The following VPS37A variants were observed in gnomAD, a reference collection of about 807,000 sequenced individuals.
VPS37A encodes the protein vacuolar protein sorting-associated protein 37A.
Under a neutral mutation model 49.8 loss-of-function variants are expected in VPS37A, and 30 were observed. The observed-to-expected ratio is 0.60, with a 90% CI of 0.45 to 0.82. The LOEUF is 0.82. Among genes scored for constraint, VPS37A ranks in the 40% least tolerant of loss-of-function variants. VPS37A has a pLI of 0.00. For synonymous variants in VPS37A, 195 were observed against 160.6 expected (o/e 1.21, Z -1.62); for missense variants, 593 against 464.4 (o/e 1.28, Z -2.55).
chr8:17,276,131 A>G (rs965443865), intron 5 of VPS37A, among the ~76,000 whole-genome samples: 1 of 152,094 alleles, frequency 6.6e-6, no homozygotes, highest in African/African-American at 2.4e-5. Flanking sequence ...ATGTACTTAG[A>G]CAAGAAAGAG....
chr8:17,272,155 A>G lies in VPS37A; in HGVS notation c.417-2578A>G, dbSNP rs993724068. ...TCTCCTTCCGGTGACCATCTGCTCA[A>G]AGGCCCACCAGGCTCCTCCTAACAG... is the stretch of plus-strand genomic sequence containing the variant. On this transcript the variant is annotated intron_variant, in intron 4 of 11. Coordinates refer to ENST00000324849, the MANE Select transcript of VPS37A (RefSeq NM_152415.3). The G allele has an allele frequency of 2.0e-5, 9 of 449,782 alleles. No individual in the cohort carries two copies. In the East Asian group the frequency reaches 2.1e-4, roughly 10 times the overall value. 27.9% of individuals were successfully genotyped at this position (449,782 alleles called of 1,614,324 possible).
chr8:17,323,524 A>G, the VPS37A span, among the ~76,000 whole-genome samples: 1 of 152,120 alleles, frequency 6.6e-6, no homozygotes, highest in Non-Finnish European at 1.5e-5. Context: ...GAGAGGCTGG[A>G]AAGTCCGGCG....
intron 1 of VPS37A, among the ~76,000 whole-genome samples, chr8:17,263,426 A>G (rs1341445715): frequency 1.3e-5 from 2 of 152,216 alleles, no homozygotes; most frequent in Admixed American, 6.5e-5. Flanking sequence ...CTAGATTGCC[A>G]TGATTAACTT....
chr8:17,305,753 T>A, downstream of VPS37A: 2 of 1,602,864 alleles, frequency 1.2e-6, no homozygotes, highest in Non-Finnish European at 1.7e-6. Context: ...ACCAAAACAC[T>A]TACTTGAGTT....
chr8:17,273,022 C>CTTTTTTTTTT (rs1563263775), intron 4 of VPS37A, among the ~76,000 whole-genome samples: 1 of 80,146 alleles, frequency 1.2e-5, no homozygotes. Context: ...TTTTGCCCTT[C>CTTTTTTTTTT]CTTTTTTTTT....
chr8:17,315,471 G>A, the VPS37A span, among the ~76,000 whole-genome samples: 1 of 152,148 alleles, frequency 6.6e-6, no homozygotes, highest in Admixed American at 6.5e-5. Context: ...TGGACTTTGA[G>A]TGATACCGAT....
intron 4 of VPS37A, among the ~76,000 whole-genome samples, chr8:17,269,321 A>G (rs941222048): frequency 2.0e-5 from 3 of 152,090 alleles, no homozygotes; most frequent in African/African-American, 7.2e-5. Context: ...TGGTGTATTT[A>G]TTACTGTGAC....
chr8:17,285,058 A>ATTTT (rs34202191), intron 10 of VPS37A, among the ~76,000 whole-genome samples: 2 of 151,226 alleles, frequency 1.3e-5, no homozygotes, highest in African/African-American at 4.8e-5. Flanking sequence ...AAAAAAAAAA[A>ATTTT]TTTTTTTTTT....
chr8:17,248,075 A>G (rs1039588008), intron 1 of VPS37A: 5 of 398,262 alleles, frequency 1.3e-5, no homozygotes, highest in Non-Finnish European at 2.3e-5. Flanking sequence ...TTTACAATTC[A>G]TATTATTTCA....
chr8:17,267,516 A>G (rs1355830426), intron 2 of VPS37A, among the ~76,000 whole-genome samples: 1 of 152,016 alleles, frequency 6.6e-6, no homozygotes, highest in Non-Finnish European at 1.5e-5. Context: ...ACGTGAAACC[A>G]TGTGATTGAC....
chr8:17,323,347 A>G, the VPS37A span, among the ~76,000 whole-genome samples: 1 of 152,078 alleles, frequency 6.6e-6, no homozygotes, highest in Admixed American at 6.6e-5. Context: ...TCCACTTTCC[A>G]TATTATTTTC....
At chr8:17,311,815 G>T in the VPS37A span, 1 of 883,590 alleles carries the variant, frequency 1.1e-6, no homozygotes, top group Non-Finnish European at 1.7e-6. Flanking sequence ...CCTGGTGCTG[G>T]CAGCTAAAGC....
the VPS37A span, among the ~76,000 whole-genome samples, chr8:17,307,819 T>G: frequency 6.8e-6 from 1 of 147,772 alleles, no homozygotes; most frequent in South Asian, 2.1e-4. Flanking sequence ...TTCTCACTCA[T>G]AGGTGGGAAC....
At chr8:17,247,404 G>C in intron 1 of VPS37A, 35 bp downstream of exon 1, 2 of 951,898 alleles carry the variant, frequency 2.1e-6, no homozygotes, top group East Asian at 4.6e-5. Flanking sequence ...GGAGGAAAAA[G>C]TAGGGTGGGA....
At chr8:17,249,331 T>C (rs899276402) in intron 1 of VPS37A, among the ~76,000 whole-genome samples, 2 of 152,132 alleles carry the variant, frequency 1.3e-5, no homozygotes, top group African/African-American at 4.8e-5. Flanking sequence ...ATACGCGGAG[T>C]TGGATACAGA....
At chr8:17,248,450 A>G (rs774538270) in intron 1 of VPS37A, 15 of 448,958 alleles carry the variant, frequency 3.3e-5, no homozygotes, top group South Asian at 2.0e-4. Flanking sequence ...AATATTTTGT[A>G]TTTTTAGTAG....
chr8:17,291,328 A>G (rs1173327997), intron 11 of VPS37A, among the ~76,000 whole-genome samples: 1 of 150,654 alleles, frequency 6.6e-6, no homozygotes, highest in Non-Finnish European at 1.5e-5. Flanking sequence ...CCCCTTTATC[A>G]TTTTTTATTT....
chr8:17,311,374 T>C, the VPS37A span: 9 of 1,120,266 alleles, frequency 8.0e-6, no homozygotes, highest in East Asian at 2.1e-4. Context: ...TCTTGATCTC[T>C]TCCCCTTTAA....
chr8:17,274,445 G>A lies in VPS37A; in HGVS notation c.417-288G>A, dbSNP rs113262491. ...AGTGCTGAAAACTCAAAAATGGCCT[G>A]TCTATCCACTTCTACTCCGTCCAGT... is the stretch of plus-strand genomic sequence containing the variant. On this transcript the variant is annotated intron_variant, in intron 4 of 11. Coordinates refer to ENST00000324849, the MANE Select transcript of VPS37A (RefSeq NM_152415.3). Among the ~76,000 whole-genome samples the A allele has an allele frequency of 4.1e-4, 63 of 151,882 alleles. 1 individual carries two copies. Among genetic ancestry groups the A allele is most frequent in the African/African-American group, 1.5e-3 (62 of 41,420 alleles).
Sources: allele counts gnomAD v4.1 joint callset (sites outside exome capture counted in the v4.1 genomes callset), GRCh38; gene constraint gnomAD v4.1.1; transcripts MANE v1.5; gene names NCBI Gene and HGNC (gene_info 2026-07-23, HGNC 2026-07-21).